EEFSEC: variants seen among roughly 807,000 people sequenced by gnomAD.
EEFSEC encodes eukaryotic elongation factor, selenocysteine-tRNA specific.
A neutral mutation model predicts 42.1 loss-of-function variants in EEFSEC; 43 were observed. The ratio of observed to expected loss-of-function variants is 1.02; its 90% CI spans 0.80 to 1.32. The LOEUF (loss-of-function observed/expected upper bound fraction) is 1.32. Among genes scored for constraint, EEFSEC ranks in the 40% most tolerant of loss-of-function variants. The pLI, the probability that EEFSEC is intolerant of heterozygous loss-of-function variation, is 0.00. For missense variants in EEFSEC, 745 were observed against 803.6 expected, an observed-to-expected ratio of 0.93 and a Z score of 0.88; for synonymous variants, 354 against 339.1, an observed-to-expected ratio of 1.04 and a Z score of -0.48.
At chr3:128,291,426 T>C (rs149633528) in intron 4 of EEFSEC, among the ~76,000 whole-genome samples, 39 of 152,344 alleles carry the variant, frequency 2.6e-4, no homozygotes, top group African/African-American at 8.9e-4. Context: ...GCTCTTTCTC[T>C]CACCTTTTCT....
At chr3:128,195,266 AT>A (rs2065572636) in intron 1 of EEFSEC, among the ~76,000 whole-genome samples, 1 of 152,128 alleles carries the variant, frequency 6.6e-6, no homozygotes. Flanking sequence ...CATTTAAAAT[AT>A]TTTTTCCTTC....
chr3:128,266,355 C>A (rs2066353589), intron 4 of EEFSEC, among the ~76,000 whole-genome samples: 1 of 152,148 alleles, frequency 6.6e-6, no homozygotes, highest in Non-Finnish European at 1.5e-5. Flanking sequence ...CTACTGGCAC[C>A]CATGTCTTGC....
intron 6 of EEFSEC, among the ~76,000 whole-genome samples, chr3:128,381,279 G>A (rs1050541904): frequency 6.6e-6 from 1 of 152,242 alleles, no homozygotes; most frequent in South Asian, 2.1e-4. Context: ...CCTGTGAAGA[G>A]GAAATGGGAA....
intron 4 of EEFSEC, among the ~76,000 whole-genome samples, chr3:128,319,693 C>T (rs2066986579): frequency 6.6e-6 from 1 of 152,228 alleles, no homozygotes; most frequent in South Asian, 2.1e-4. Context: ...AAGCTGTGGG[C>T]ACTATTCTTA....
intron 6 of EEFSEC, among the ~76,000 whole-genome samples, chr3:128,379,300 T>C (rs1377040201): frequency 6.6e-6 from 1 of 152,204 alleles, no homozygotes; most frequent in Non-Finnish European, 1.5e-5. Context: ...TCCTCCCGCT[T>C]TGGCCATTGA....
chr3:128,223,660 A>G (rs1479926611), intron 1 of EEFSEC, among the ~76,000 whole-genome samples: 2 of 152,228 alleles, frequency 1.3e-5, no homozygotes, highest in Admixed American at 6.5e-5. Context: ...ATCCTTATGT[A>G]TGAAATGGGA....
chr3:128,176,844 C>T (rs1188869154), intron 1 of EEFSEC, among the ~76,000 whole-genome samples: 1 of 151,982 alleles, frequency 6.6e-6, no homozygotes, highest in Non-Finnish European at 1.5e-5. Flanking sequence ...TTTTAATAAA[C>T]ATCATTACTA....
chr3:128,317,917 C>T lies in EEFSEC; in HGVS notation c.787-23316C>T, dbSNP rs1047312471. On this transcript the variant is annotated intron_variant, in intron 4 of 6. Transcript: ENST00000254730. The surrounding 1 kb of genome is among the most constrained non-coding windows in gnomAD (Gnocchi z 4.1). ...CATGGTTCCTTTCTCAGGGCTCCCC[C>T]ACCCTCCTTGCCACACTGGGGCAGC... 5.3e-5 allele frequency among the ~76,000 whole-genome samples: 8 copies of T among 152,256 alleles called. No homozygotes were observed. Among genetic ancestry groups the T allele is most frequent in the African/African-American group, 1.9e-4 (8 of 41,474 alleles).
At chr3:128,416,448 C>T in the EEFSEC span, among the ~76,000 whole-genome samples, 9 of 152,344 alleles carry the variant, frequency 5.9e-5, no homozygotes, top group African/African-American at 1.2e-4. Context: ...TGTCCCCCTC[C>T]GTCTCTGCTC....
intron 1 of EEFSEC, among the ~76,000 whole-genome samples, chr3:128,200,463 T>C (rs1314366917): frequency 6.6e-6 from 1 of 152,072 alleles, no homozygotes; most frequent in Non-Finnish European, 1.5e-5. Flanking sequence ...TAATTTCGTA[T>C]TTTTAGTAGA....
chr3:128,188,396 T>C (rs916284860), intron 1 of EEFSEC, among the ~76,000 whole-genome samples: 2 of 152,078 alleles, frequency 1.3e-5, no homozygotes, highest in African/African-American at 4.8e-5. Flanking sequence ...GCCCCAGGGC[T>C]TCTTTTTTGT....
rs746022054 is a variant in EEFSEC at position 128,153,688 on chromosome 3, C to T, written c.181C>T (p.Pro61Ser). 3.8e-5 allele frequency: 60 copies of T among 1,592,282 alleles called. No individual in the cohort carries two copies. In the Admixed American group the frequency reaches 5.2e-4, roughly 14 times the overall value. Residue 61 changes from proline to serine, a missense_variant, in exon 1 of 7, where the codon CCC becomes TCC. Transcript: ENST00000254730. ...CTTCTCGTGCTTCTCGGTGCCGCTGCCCGCGCGCCTGCGGTCGTCTTTGCC... is the reference window on the plus strand; with the variant it reads ...CTTCTCGTGCTTCTCGGTGCCGCTGTCCGCGCGCCTGCGGTCGTCTTTGCC... ...LGFSCFSVPLPARLRSSLPEF... is the reference protein window; with the variant it reads ...LGFSCFSVPLSARLRSSLPEF...
At chr3:128,244,069 C>A (rs1025589494) in intron 1 of EEFSEC, among the ~76,000 whole-genome samples, 1 of 152,214 alleles carries the variant, frequency 6.6e-6, no homozygotes, top group East Asian at 1.9e-4. Flanking sequence ...GTGGGCACAG[C>A]TTCACCCACC....
intron 5 of EEFSEC, among the ~76,000 whole-genome samples, chr3:128,350,577 T>G (rs1238962914): frequency 6.6e-6 from 1 of 152,260 alleles, no homozygotes. Context: ...GCGTTTCTTC[T>G]GACTTCCAGT....
intron 6 of EEFSEC, among the ~76,000 whole-genome samples, chr3:128,392,038 C>G (rs925851176): frequency 1.4e-4 from 21 of 152,324 alleles, no homozygotes; most frequent in African/African-American, 5.1e-4. Context: ...ATCCTTTGCT[C>G]CTCTTCACCC....
chr3:128,156,288 C>G (rs1292667219), intron 1 of EEFSEC, among the ~76,000 whole-genome samples: 1 of 152,224 alleles, frequency 6.6e-6, no homozygotes, highest in Admixed American at 6.5e-5. Context: ...CAGGCAAACC[C>G]TGCAAGGAGC....
At chr3:128,386,661 C>T (rs1017057448) in intron 6 of EEFSEC, among the ~76,000 whole-genome samples, 2 of 152,108 alleles carry the variant, frequency 1.3e-5, no homozygotes, top group African/African-American at 2.4e-5. Context: ...GTATGGCACC[C>T]GTATCTGCTT....
At chr3:128,201,397 G>A (rs893354218) in intron 1 of EEFSEC, among the ~76,000 whole-genome samples, 3 of 151,662 alleles carry the variant, frequency 2.0e-5, no homozygotes, top group Admixed American at 2.0e-4. Flanking sequence ...AAAAAAAAAA[G>A]AATCTCATAG....
chr3:128,375,006 G>C (rs1483635570), intron 6 of EEFSEC, among the ~76,000 whole-genome samples: 1 of 152,200 alleles, frequency 6.6e-6, no homozygotes, highest in Non-Finnish European at 1.5e-5. Flanking sequence ...GGCCCAACAT[G>C]AATTCCAGAA....
Sources: gnomAD v4.1 joint callset for allele counts (sites outside exome capture counted in the v4.1 genomes callset) on GRCh38, gnomAD v4.1.1 for gene constraint, Gnocchi (gnomAD v3.1) non-coding constraint, MANE v1.5 for transcripts, NCBI Gene and HGNC (gene_info 2026-07-23, HGNC 2026-07-21) for gene names.